The following LIPA variants were observed in gnomAD, a reference collection of about 807,000 sequenced individuals.
LIPA encodes the protein lipase A, lysosomal acid type.
Under a neutral mutation model 40.6 loss-of-function variants are expected in LIPA, and 26 were observed. The observed-to-expected ratio is 0.64, with a 90% CI of 0.47 to 0.89. LIPA has a LOEUF of 0.89. LIPA is among the 40% of genes least tolerant of loss of function. LIPA has a pLI of 0.00. For synonymous variants in LIPA, 188 were observed against 168.4 expected (o/e 1.12, Z -0.90); for missense variants, 455 against 479.6 (o/e 0.95, Z 0.48).
At chr10:89,341,300 G>A (rs1447276693) in intron 1 of LIPA, among the ~76,000 whole-genome samples, 3 of 152,288 alleles carry the variant, frequency 2.0e-5, no homozygotes, top group Admixed American at 2.0e-4. Context: ...GTGTGAGGCT[G>A]GTCAAAAGGG....
intron 8 of LIPA, among the ~76,000 whole-genome samples, chr10:89,220,114 C>A (rs1842678598): frequency 1.3e-5 from 2 of 152,180 alleles, no homozygotes; most frequent in African/African-American, 4.8e-5. Flanking sequence ...GGTGAAGCAA[C>A]ACAGGTCTGT....
rs1035874910 is a variant in LIPA, at chr10:89,228,416, T to G, written c.230-18A>C. The G allele has an allele frequency of 1.2e-6, 2 of 1,608,688 alleles. No individual in the cohort carries two copies. Among genetic ancestry groups the G allele is most frequent in the Non-Finnish European group, 1.7e-6 (2 of 1,174,960 alleles). Reference sequence around the variant, plus strand: ...TTTGGGACCTGAAAAACATTCATTGTTTAGGAGGCAGTAGCACCAAGCTTC... The same window carrying G: ...TTTGGGACCTGAAAAACATTCATTGGTTAGGAGGCAGTAGCACCAAGCTTC... On this transcript the variant is annotated intron_variant, in intron 3 of 9. Coordinates refer to ENST00000336233, the MANE Select transcript of LIPA (RefSeq NM_000235.4).
chr10:89,403,391 G>T (rs1377320891), intron 2 of LIPA: 1 of 1,613,570 alleles, frequency 6.2e-7, no homozygotes, highest in East Asian at 2.2e-5. Context: ...TGAAACCAGT[G>T]GTAGAAGAAA....
chr10:89,325,838 C>T (rs867855802), intron 1 of LIPA, among the ~76,000 whole-genome samples: 10 of 152,058 alleles, frequency 6.6e-5, no homozygotes, highest in South Asian at 2.1e-4. Flanking sequence ...CAAACCTGTA[C>T]GTGTATACCT....
intron 2 of LIPA, among the ~76,000 whole-genome samples, chr10:89,373,933 CAA>C (rs1844106778): frequency 1.3e-5 from 2 of 152,224 alleles, no homozygotes; most frequent in South Asian, 4.1e-4. Flanking sequence ...AAACCATGCA[CAA>C]AAAAATCACT....
chr10:89,247,158 C>T (rs1324405126), intron 2 of LIPA, among the ~76,000 whole-genome samples: 1 of 151,806 alleles, frequency 6.6e-6, no homozygotes, highest in Non-Finnish European at 1.5e-5. Flanking sequence ...ATCACCTGAG[C>T]TCAGGAGTTC....
At chr10:89,327,776 AAATTTTAGTCACAGTTTT>A (rs1843613518) in intron 1 of LIPA, 1 of 393,424 alleles carries the variant, frequency 2.5e-6, no homozygotes, top group African/African-American at 2.1e-5. Flanking sequence ...TCTCTCAAAC[AAATTTTAGTCACAGTTTT>A]GAATAACGTA....
At chr10:89,317,471 T>A (rs539810995) in intron 1 of LIPA, among the ~76,000 whole-genome samples, 10 of 152,150 alleles carry the variant, frequency 6.6e-5, no homozygotes, top group African/African-American at 2.4e-4. Context: ...GTATTAGTGA[T>A]TGAAGATCAA....
At chr10:89,291,669 G>A (rs1434348068) in intron 1 of LIPA, among the ~76,000 whole-genome samples, 1 of 152,160 alleles carries the variant, frequency 6.6e-6, no homozygotes, top group Non-Finnish European at 1.5e-5. Context: ...CCTTGACTGT[G>A]GGTTGGCTCC....
intron 1 of LIPA, among the ~76,000 whole-genome samples, chr10:89,342,132 T>A (rs191688610): frequency 8.5e-5 from 13 of 152,368 alleles, no homozygotes; most frequent in Middle Eastern, 6.8e-3. Flanking sequence ...TAACTGCAGC[T>A]AATGAATAAA....
At chr10:89,412,129 G>A (rs955057355) in intron 2 of LIPA, among the ~76,000 whole-genome samples, 10 of 152,010 alleles carry the variant, frequency 6.6e-5, no homozygotes, top group Admixed American at 6.6e-5. Context: ...CCCCTTCTTC[G>A]CCCCTATCCA....
intron 2 of LIPA, among the ~76,000 whole-genome samples, chr10:89,389,907 G>A (rs1844233313): frequency 6.6e-6 from 1 of 151,740 alleles, no homozygotes; most frequent in Non-Finnish European, 1.5e-5. Flanking sequence ...TAGACATTAG[G>A]GATAATTGAG....
chr10:89,378,129 T>G (rs944303678), intron 2 of LIPA: 2 of 1,614,032 alleles, frequency 1.2e-6, no homozygotes, highest in Non-Finnish European at 8.5e-7. Context: ...GCTATCTTCA[T>G]AGCACCATGA....
At chr10:89,361,865 CTCCACCT>C (rs1172366828) in intron 2 of LIPA, among the ~76,000 whole-genome samples, 1 of 148,724 alleles carries the variant, frequency 6.7e-6, no homozygotes, top group Non-Finnish European at 1.5e-5. Context: ...ACCCCCCACC[CTCCACCT>C]GCCTTTTTTT....
At chr10:89,288,246 A>G (rs1409823924) in intron 1 of LIPA, among the ~76,000 whole-genome samples, 2 of 152,206 alleles carry the variant, frequency 1.3e-5, no homozygotes, top group Non-Finnish European at 2.9e-5. Context: ...CTTCCTAGGC[A>G]TGGTTAGGTA....
intron 1 of LIPA, among the ~76,000 whole-genome samples, chr10:89,312,608 A>T (rs1312689168): frequency 1.3e-5 from 2 of 151,894 alleles, no homozygotes; most frequent in African/African-American, 2.4e-5. Flanking sequence ...GGAGATCGAG[A>T]CCCTCCTGGC....
chr10:89,294,735 G>A (rs1193752358), intron 1 of LIPA, among the ~76,000 whole-genome samples: 1 of 151,510 alleles, frequency 6.6e-6, no homozygotes, highest in Non-Finnish European at 1.5e-5. Context: ...AGCACTTTGG[G>A]ATGCTGAAGC....
chr10:89,320,931 G>A (rs1404635778), intron 1 of LIPA, among the ~76,000 whole-genome samples: 1 of 151,892 alleles, frequency 6.6e-6, no homozygotes, highest in African/African-American at 2.4e-5. Flanking sequence ...ACAACCATCT[G>A]ATCTTTGACA....
At chr10:89,294,319 G>A (rs1433924037) in intron 1 of LIPA, among the ~76,000 whole-genome samples, 1 of 152,194 alleles carries the variant, frequency 6.6e-6, no homozygotes, top group African/African-American at 2.4e-5. Context: ...GGGAGATTGG[G>A]TAATTTATAA....
Sources: gnomAD v4.1 joint callset for allele counts (sites outside exome capture counted in the v4.1 genomes callset) on GRCh38, gnomAD v4.1.1 for gene constraint, MANE v1.5 for transcripts, NCBI Gene and HGNC (gene_info 2026-07-23, HGNC 2026-07-21) for gene names.